The following SAMM50 variants were observed in gnomAD, a reference collection of about 807,000 sequenced individuals.
The protein encoded by SAMM50 is SAMM50 sorting and assembly machinery component.
In SAMM50, 47 loss-of-function variants were observed where a neutral mutation model predicts 66.9. The observed-to-expected ratio is 0.70, with a 90% CI of 0.56 to 0.90. The LOEUF (loss-of-function observed/expected upper bound fraction) is 0.90, where lower values mean the gene tolerates loss of function less well. SAMM50 is among the 40% of genes least tolerant of loss of function. The pLI is 0.00. For synonymous variants in SAMM50, 191 were observed against 214.1 expected (o/e 0.89, Z 0.94); for missense variants, 535 against 595.3 (o/e 0.90, Z 1.05).
chr22:43,976,612 C>A, intron 8 of SAMM50, 138 bp from the exon 9 acceptor site: 1 of 683,184 alleles, frequency 1.5e-6, no homozygotes, highest in Admixed American at 2.5e-5. Context: ...ACCCTCACTT[C>A]CTCCAAGGGC....
chr22:43,963,147 C>T (rs557041238), intron 1 of SAMM50, 139 bp from the exon 2 acceptor site: 1 of 560,460 alleles, frequency 1.8e-6, no homozygotes, highest in African/African-American at 1.9e-5. Context: ...ACTCCCTGGT[C>T]CCTATTCCTG....
chr22:43,980,964 G>A (rs1028204224), intron 10 of SAMM50, among the ~76,000 whole-genome samples: 5 of 152,190 alleles, frequency 3.3e-5, no homozygotes, highest in Non-Finnish European at 5.9e-5. Flanking sequence ...CTTGCAGCCG[G>A]TACCTTCTTT....
intron 12 of SAMM50, chr22:43,986,586 T>C (rs1000512317): frequency 2.0e-5 from 3 of 152,168 alleles, no homozygotes; most frequent in Non-Finnish European, 4.4e-5. Flanking sequence ...AGTCTCGCTC[T>C]GTTGCCCAGG....
chr22:43,972,242 A>G lies in SAMM50; in HGVS notation c.329A>G (p.Asp110Gly), dbSNP rs3761472. The change falls in exon 5 of 15, where the codon GAC becomes GGC. Residue 110 changes from aspartate (D) to glycine (G), a missense_variant. Physicochemically the swap from Asp to Gly is moderately conservative, Grantham distance 94. Transcript: ENST00000350028. ...DVLIDTCQGD[D>G]ALPNGLDVTF... ...TTAATATTTTTTTATTTAGGTGATG[A>G]CGCACTTCCAAATGGGTTAGACGTT... The G allele has an allele frequency of 0.17, 269,004 of 1,561,102 alleles. 25,689 individuals are homozygous for G. The highest frequency in any genetic ancestry group is 0.4 in the East Asian group (17,491 of 43,794).
intron 12 of SAMM50, 118 bp downstream of exon 12, chr22:43,984,118 T>A: frequency 1.2e-6 from 1 of 827,924 alleles, no homozygotes; most frequent in Non-Finnish European, 1.9e-6. Context: ...GTGGTGGAAT[T>A]AGCACCTAAC....
At chr22:43,986,696 T>C (rs2050295979) in intron 12 of SAMM50, 1 of 151,956 alleles carries the variant, frequency 6.6e-6, no homozygotes, top group South Asian at 2.1e-4. Flanking sequence ...GGATTACAGG[T>C]GCCCGCCATC....
intron 1 of SAMM50, among the ~76,000 whole-genome samples, chr22:43,959,705 C>G (rs1015467004): frequency 3.9e-5 from 6 of 152,092 alleles, no homozygotes; most frequent in Non-Finnish European, 8.8e-5. Context: ...TTACCAAACA[C>G]TCACCCCATG....
At chr22:43,962,048 A>C (rs9626065) in intron 1 of SAMM50, among the ~76,000 whole-genome samples, 9,231 of 152,100 alleles carry the variant, frequency 0.061, 293 homozygotes, top group Middle Eastern at 0.082. Flanking sequence ...ATGTTTCTCA[A>C]CTATAACCCA....
At chr22:43,977,271 G>T (rs559866794) in intron 9 of SAMM50, among the ~76,000 whole-genome samples, 1 of 152,296 alleles carries the variant, frequency 6.6e-6, no homozygotes, top group African/African-American at 2.4e-5. Flanking sequence ...TCTGTCTTTG[G>T]GTTGCCCTCT....
At chr22:43,985,111 A>AAGTAC (rs1318987303) in intron 12 of SAMM50, among the ~76,000 whole-genome samples, 12 of 151,910 alleles carry the variant, frequency 7.9e-5, no homozygotes, top group African/African-American at 2.9e-4. Flanking sequence ...GTTGGGCAAA[A>AAGTAC]AGTACAGTGT....
chr22:43,977,663 G>A (rs1047649246), intron 9 of SAMM50, among the ~76,000 whole-genome samples: 2 of 152,202 alleles, frequency 1.3e-5, no homozygotes, highest in African/African-American at 2.4e-5. Flanking sequence ...GGCAGCCTCT[G>A]CACCTCTTGG....
intron 4 of SAMM50, 118 bp from the exon 5 acceptor site, chr22:43,972,118 C>G (rs2050206557): frequency 1.7e-6 from 1 of 579,258 alleles, no homozygotes; most frequent in Non-Finnish European, 3.0e-6. Context: ...ATATTATTTT[C>G]TAAAGGAGAT....
intron 14 of SAMM50, among the ~76,000 whole-genome samples, chr22:43,992,610 C>T (rs953639886): frequency 2.6e-5 from 4 of 152,338 alleles, no homozygotes; most frequent in African/African-American, 7.2e-5. Flanking sequence ...CTGTGTGGCC[C>T]GGGGTGAGTC....
intron 1 of SAMM50, chr22:43,957,001 C>A: frequency 4.2e-6 from 3 of 714,292 alleles, no homozygotes; most frequent in South Asian, 1.6e-5. Flanking sequence ...GGCGGCCTGC[C>A]GGGAGCAGGA....
chr22:43,996,210 A>G, intron 14 of SAMM50, 128 bp from the exon 15 acceptor site: 1 of 1,005,548 alleles, frequency 9.9e-7, no homozygotes, highest in East Asian at 2.4e-5. Flanking sequence ...GCCGGCAGCC[A>G]GGCAGGAAGG....
chr22:43,964,200 G>A (rs1285842676), intron 2 of SAMM50, among the ~76,000 whole-genome samples: 1 of 152,150 alleles, frequency 6.6e-6, no homozygotes, highest in Admixed American at 6.5e-5. Context: ...GGGCTCACCT[G>A]GTCCTGGGTC....
intron 3 of SAMM50, among the ~76,000 whole-genome samples, chr22:43,965,184 T>TAAA (rs34840511): frequency 2.3e-5 from 3 of 133,032 alleles, no homozygotes; most frequent in Non-Finnish European, 3.2e-5. Flanking sequence ...CATTCCCACT[T>TAAA]AAAAAAAAAA....
chr22:43,995,973 C>A (rs550378105), intron 14 of SAMM50, among the ~76,000 whole-genome samples: 57 of 152,280 alleles, frequency 3.7e-4, no homozygotes, highest in Admixed American at 1.7e-3. Flanking sequence ...TCTCCTCCAT[C>A]CTCACTACCC....
chr22:43,970,309 G>T (rs2050196729), intron 4 of SAMM50, among the ~76,000 whole-genome samples: 1 of 152,120 alleles, frequency 6.6e-6, no homozygotes, highest in Non-Finnish European at 1.5e-5. Context: ...GTCACCTTGG[G>T]CTGGTGTGGT....
Sources: allele counts gnomAD v4.1 joint callset (sites outside exome capture counted in the v4.1 genomes callset), GRCh38; gene constraint gnomAD v4.1.1; transcripts MANE v1.5; gene names NCBI Gene and HGNC (gene_info 2026-07-23, HGNC 2026-07-21).